Variants in KLHL24 observed in about 807,000 individuals in gnomAD.
KLHL24 encodes the protein kelch like family member 24.
In KLHL24, 29 loss-of-function variants were observed where a neutral mutation model predicts 53.4. The ratio of observed to expected loss-of-function variants is 0.54; its 90% CI spans 0.40 to 0.74. The LOEUF is 0.74. Ranked by LOEUF, KLHL24 falls within the 30% of genes least tolerant of loss-of-function variation. The pLI is 0.00. For synonymous variants in KLHL24, 222 were observed against 253.7 expected (o/e 0.88, Z 1.19); for missense variants, 504 against 744.0 (o/e 0.68, Z 3.75).
intron 7 of KLHL24, among the ~76,000 whole-genome samples, chr3:183,673,224 G>A (rs1364759812): frequency 1.3e-5 from 2 of 151,882 alleles, no homozygotes; most frequent in Non-Finnish European, 2.9e-5. Context: ...AAATAAATAA[G>A]TAAAATAAAA....
chr3:183,646,311 G>A (rs1297177706), intron 2 of KLHL24, among the ~76,000 whole-genome samples: 3 of 137,822 alleles, frequency 2.2e-5, no homozygotes, highest in Non-Finnish European at 4.5e-5. Context: ...GCAGTGAGCC[G>A]AGATTGTGCC....
chr3:183,663,674 T>A lies in KLHL24; in HGVS notation c.1105+32T>A. The A allele has an allele frequency of 7.9e-7, 1 of 1,264,584 alleles. No individual in the cohort carries two copies. The highest frequency in any genetic ancestry group is 1.1e-6 in the Non-Finnish European group (1 of 922,814). 78.3% of individuals were successfully genotyped at this position (1,264,584 alleles called of 1,614,324 possible). A position where few individuals can be genotyped will look rare whatever the true frequency, so the allele number is the denominator to read the frequency against. On this transcript the variant is annotated intron_variant, in intron 4 of 7. Coordinates refer to ENST00000242810, the MANE Select transcript of KLHL24 (RefSeq NM_017644.3). This position sits in a 1 kb window ranked among gnomAD's most constrained non-coding sequence, Gnocchi z 4.9. Reference sequence around the variant, plus strand: ...ATAGAATTATTACAGTAGCTACTTTTAATTTGGACACAGCTTCATTATTTT... The same window carrying A: ...ATAGAATTATTACAGTAGCTACTTTAAATTTGGACACAGCTTCATTATTTT...
chr3:183,659,005 T>G (rs1719313363), intron 3 of KLHL24, among the ~76,000 whole-genome samples: 2 of 152,116 alleles, frequency 1.3e-5, no homozygotes, highest in African/African-American at 2.4e-5. Flanking sequence ...AGAGTCTCAC[T>G]TTGTTGCTCA....
chr3:183,662,350 C>G (rs1719926273), intron 3 of KLHL24, among the ~76,000 whole-genome samples: 1 of 152,082 alleles, frequency 6.6e-6, no homozygotes, highest in South Asian at 2.1e-4. Flanking sequence ...AATTGTGTAA[C>G]AGCACACTGA....
At chr3:183,637,879 G>C (rs1055693534) in intron 1 of KLHL24, among the ~76,000 whole-genome samples, 2 of 152,184 alleles carry the variant, frequency 1.3e-5, no homozygotes, top group Non-Finnish European at 2.9e-5. Flanking sequence ...GGCTAGTCTT[G>C]AACTCCTGAC....
intron 7 of KLHL24, 83 bp downstream of exon 7, chr3:183,672,567 A>G (rs1721475545): frequency 1.2e-5 from 12 of 1,012,098 alleles, no homozygotes; most frequent in Non-Finnish European, 1.6e-5. Context: ...TGGAATTTCA[A>G]TTTTAAAATA....
chr3:183,653,692 T>C (rs1718455046), intron 3 of KLHL24, among the ~76,000 whole-genome samples: 1 of 152,190 alleles, frequency 6.6e-6, no homozygotes, highest in African/African-American at 2.4e-5. Flanking sequence ...GAACAAAGAA[T>C]GATGGTATGG....
Position 183,664,514 on chromosome 3 carries a change from C to T in KLHL24, c.1106-407C>T, listed in dbSNP as rs375951984. Among the ~76,000 whole-genome samples, 20 of 151,922 alleles carry T rather than the reference C, an allele frequency of 1.3e-4. 1 individual carries two copies. The highest frequency in any genetic ancestry group is 5.2e-4 in the Admixed American group (8 of 15,274). ...CAGATTATTATATATATTATCCACA[C>T]TGAGAAATATAACAATACATACTTT... is the stretch of plus-strand genomic sequence containing the variant. On this transcript the variant is annotated intron_variant, in intron 4 of 7. Coordinates refer to ENST00000242810, the MANE Select transcript of KLHL24 (RefSeq NM_017644.3).
chr3:183,640,719 C>G (rs1016804197), intron 1 of KLHL24, among the ~76,000 whole-genome samples: 2 of 151,728 alleles, frequency 1.3e-5, no homozygotes, highest in African/African-American at 4.8e-5. Flanking sequence ...GCTGCCTCAG[C>G]CTCCTGAGTA....
At position 183,650,690 on chromosome 3, in the gene KLHL24, A is replaced by G. The variant is rs1235427223; in HGVS notation, c.334A>G (p.Ile112Val). Residue 112 changes from isoleucine to valine, a missense_variant, in exon 3 of 8, where the codon ATT becomes GTT. Coordinates refer to ENST00000242810, the MANE Select transcript of KLHL24 (RefSeq NM_017644.3). The surrounding 1 kb of genome is among the most constrained non-coding windows in gnomAD (Gnocchi z 4.5). ...SREMLVEING[I>V]LAEAMECFLQ... ...AGAAATGTTGGTTGAGATCAATGGT[A>G]TTTTAGCTGAAGCTATGGAATGTTT... The G allele has an allele frequency of 1.2e-6, 2 of 1,614,008 alleles. No individual in the cohort carries two copies. The highest frequency in any genetic ancestry group is 1.7e-6 in the Non-Finnish European group (2 of 1,179,964).
intron 2 of KLHL24, among the ~76,000 whole-genome samples, chr3:183,649,003 C>CA (rs3834187): frequency 3.3e-4 from 48 of 145,726 alleles, no homozygotes; most frequent in Middle Eastern, 7.2e-3. Flanking sequence ...ACCTTGTTTC[C>CA]AAAAAAAAAA....
intron 1 of KLHL24, among the ~76,000 whole-genome samples, chr3:183,638,001 A>T (rs560566462): frequency 6.6e-6 from 1 of 152,316 alleles, no homozygotes; most frequent in Non-Finnish European, 1.5e-5. Context: ...GCTCCCCTGG[A>T]TGAAGCAGGA....
rs758853660 is a variant in KLHL24, at chr3:183,651,213, A to G, written c.857A>G (p.His286Arg). The G allele has an allele frequency of 4.1e-5, 66 of 1,614,094 alleles. No individual in the cohort carries two copies. Among genetic ancestry groups the G allele is most frequent in the Non-Finnish European group, 5.3e-5 (62 of 1,180,032 alleles). Reference sequence around the variant, plus strand: ...TCTCCTGAGTGTTATCAGTTGTTGCATGAAGCAAGACGGTACCACATACTT... The same window carrying G: ...TCTCCTGAGTGTTATCAGTTGTTGCGTGAAGCAAGACGGTACCACATACTT... ...QNSPECYQLL[H>R]EARRYHILGN... The change falls in exon 3 of 8, where the codon CAT (histidine) becomes CGT (arginine). Residue 286 changes from histidine (H) to arginine (R), a missense_variant. Transcript: ENST00000242810.
At chr3:183,649,525 A>C (rs1717828111) in intron 2 of KLHL24, among the ~76,000 whole-genome samples, 1 of 132,066 alleles carries the variant, frequency 7.6e-6, no homozygotes, top group Non-Finnish European at 1.5e-5. Flanking sequence ...GAGAGTGCTA[A>C]AAAAAAAAAA....
chr3:183,640,703 A>T (rs6804098), intron 1 of KLHL24, among the ~76,000 whole-genome samples: 1 of 148,812 alleles, frequency 6.7e-6, no homozygotes, highest in Non-Finnish European at 1.5e-5. Flanking sequence ...GGGTTCAAGC[A>T]TTTCCGCTGC....
chr3:183,684,229 A>T lies in KLHL24; in HGVS notation c.*4943A>T, dbSNP rs1712976722. 1 of 152,266 alleles carries T rather than the reference A, an allele frequency of 6.6e-6. No homozygotes were observed. Among genetic ancestry groups the T allele is most frequent in the African/African-American group, 2.4e-5 (1 of 41,416 alleles). 9.4% of individuals were successfully genotyped at this position (152,266 alleles called of 1,614,324 possible). A position where few individuals can be genotyped will look rare whatever the true frequency, so the allele number is the denominator to read the frequency against. Reference sequence around the variant, plus strand: ...TTAAATTTTTATTGAGAGTTGTTGGAGCTCTAAGACAATACAAATTTAGAG... The same window carrying T: ...TTAAATTTTTATTGAGAGTTGTTGGTGCTCTAAGACAATACAAATTTAGAG... On this transcript the variant is annotated 3_prime_UTR_variant, in exon 8 of 8. Transcript: ENST00000242810.
At chr3:183,675,777 T>TA (rs900119983) in intron 7 of KLHL24, among the ~76,000 whole-genome samples, 27 of 146,488 alleles carry the variant, frequency 1.8e-4, no homozygotes, top group South Asian at 2.2e-4. Flanking sequence ...AAAAAAAATT[T>TA]AAAAAAAAAA....
Position 183,670,003 on chromosome 3 carries a change from G to T in KLHL24, c.1225-1031G>T, listed in dbSNP as rs536280436. Among the ~76,000 whole-genome samples, 3 of 152,336 alleles carry T rather than the reference G, an allele frequency of 2.0e-5. 1 individual carries two copies. The South Asian group carries it at 6.2e-4, about 32-fold the overall frequency. On this transcript the variant is annotated intron_variant, in intron 5 of 7. Coordinates refer to ENST00000242810, the MANE Select transcript of KLHL24 (RefSeq NM_017644.3). ...TCACGCCTGTAATCCCAACACTTTGGGAGGCTGAGGCAGGAGGATGGCTTG... is the reference window on the plus strand; with the variant it reads ...TCACGCCTGTAATCCCAACACTTTGTGAGGCTGAGGCAGGAGGATGGCTTG...
rs142607399 is a variant in KLHL24, at chr3:183,659,942, C to T, written c.921-3516C>T. 7.2e-5 allele frequency among the ~76,000 whole-genome samples: 11 copies of T among 152,072 alleles called. No homozygotes were observed. In the East Asian group the frequency reaches 1.5e-3, roughly 21 times the overall value. ...GGTTGAGCAGATGCCCAATAGCAAC[C>T]GTTAATAGTAAGGTGGTGGTGGTGT... On this transcript the variant is annotated intron_variant, in intron 3 of 7. Transcript: ENST00000242810.
Sources: gnomAD v4.1 joint callset for allele counts (sites outside exome capture counted in the v4.1 genomes callset) on GRCh38, gnomAD v4.1.1 for gene constraint, Gnocchi (gnomAD v3.1) non-coding constraint, MANE v1.5 for transcripts, NCBI Gene and HGNC (gene_info 2026-07-23, HGNC 2026-07-21) for gene names.